PTPRD: variants seen among roughly 807,000 people sequenced by gnomAD.
PTPRD encodes the protein receptor-type tyrosine-protein phosphatase delta.
PTPRD carries 34 observed loss-of-function variants against 214.5 expected under a neutral mutation model. The ratio of observed to expected loss-of-function variants is 0.16; its 90% CI spans 0.12 to 0.21. PTPRD has a LOEUF of 0.21. Ranked by LOEUF, PTPRD falls within the 10% of genes least tolerant of loss-of-function variation. The pLI is 1.00. For missense variants in PTPRD, 2,545 were observed against 2,398.7 expected, an observed-to-expected ratio of 1.06 and a Z score of -1.27; for synonymous variants, 1,128 against 845.7, an observed-to-expected ratio of 1.33 and a Z score of -5.79.
intron 21 of PTPRD, among the ~76,000 whole-genome samples, chr9:8,513,269 G>T (rs933286407): frequency 6.6e-6 from 1 of 151,966 alleles, no homozygotes; most frequent in African/African-American, 2.4e-5. Flanking sequence ...AAAACTCTCT[G>T]ACTGTAAAAC....
chr9:10,282,027 G>C lies in PTPRD; in HGVS notation c.-545+58936C>G, dbSNP rs1165660987. Among the ~76,000 whole-genome samples, 5 of 150,990 alleles carry C rather than the reference G, an allele frequency of 3.3e-5. No individual in the cohort carries two copies. In the East Asian group the frequency reaches 9.6e-4, roughly 29 times the overall value. On this transcript the variant is annotated intron_variant, in intron 3 of 45. Coordinates refer to ENST00000381196, the MANE Select transcript of PTPRD (RefSeq NM_002839.4). ...GGTGCAAAGTAAGCCTTTGATGAAA[G>C]CCTGTAGGAATCAGCTAATTTTCCA...
At chr9:9,187,963 T>C (rs753631503) in intron 9 of PTPRD, among the ~76,000 whole-genome samples, 2 of 151,922 alleles carry the variant, frequency 1.3e-5, no homozygotes, top group Admixed American at 6.6e-5. Flanking sequence ...GAAAAGTACA[T>C]AAATAATGAA....
At chr9:8,606,156 T>C (rs1355052564) in intron 14 of PTPRD, among the ~76,000 whole-genome samples, 1 of 151,886 alleles carries the variant, frequency 6.6e-6, no homozygotes, top group African/African-American at 2.4e-5. Flanking sequence ...AATGTAGTGA[T>C]GAGGAAAGGA....
intron 3 of PTPRD, among the ~76,000 whole-genome samples, chr9:10,286,148 T>A (rs575419718): frequency 6.6e-6 from 1 of 152,210 alleles, no homozygotes; most frequent in African/African-American, 2.4e-5. Context: ...ACTTGTCCTT[T>A]TGTATGCATG....
At chr9:9,882,973 G>A (rs1257340627) in intron 5 of PTPRD, among the ~76,000 whole-genome samples, 5 of 152,078 alleles carry the variant, frequency 3.3e-5, no homozygotes, top group Admixed American at 6.6e-5. Flanking sequence ...CCATGTGATG[G>A]TCTGGCTATC....
At chr9:9,229,565 A>G (rs1020444485) in intron 9 of PTPRD, among the ~76,000 whole-genome samples, 5 of 152,134 alleles carry the variant, frequency 3.3e-5, no homozygotes, top group Admixed American at 6.6e-5. Flanking sequence ...GAGAAAACTT[A>G]TGGCTCCTTT....
chr9:9,742,263 C>G (rs142183389), intron 6 of PTPRD, among the ~76,000 whole-genome samples: 4 of 151,992 alleles, frequency 2.6e-5, no homozygotes, highest in African/African-American at 9.7e-5. Flanking sequence ...AAGGAAGAGA[C>G]GTGCAAGGAA....
At chr9:10,541,893 C>A (rs554280286) in intron 2 of PTPRD, among the ~76,000 whole-genome samples, 1 of 151,904 alleles carries the variant, frequency 6.6e-6, no homozygotes, top group Non-Finnish European at 1.5e-5. Context: ...CAACTTTCAT[C>A]AATTATTTGA....
At chr9:9,778,212 A>T (rs1389070011) in intron 5 of PTPRD, among the ~76,000 whole-genome samples, 1 of 152,346 alleles carries the variant, frequency 6.6e-6, no homozygotes, top group East Asian at 1.9e-4. Context: ...CCTGCACAGC[A>T]TAAGGGAATG....
In PTPRD at chr9:8,770,155, C is replaced by A. The variant is rs535500870; in HGVS notation, c.-103-36209G>T. 2.0e-4 allele frequency among the ~76,000 whole-genome samples: 31 copies of A among 152,156 alleles called. No homozygotes were observed. In the South Asian group the frequency reaches 6.4e-3, roughly 32 times the overall value. The stretch of plus-strand genomic sequence containing the variant: ...AATTAGCCAGGCTTGGTGGTGCACG[C>A]CTGTAATCCCAGCTACTCGGGGGGC... On this transcript the variant is annotated intron_variant, in intron 11 of 45. Coordinates refer to ENST00000381196, the MANE Select transcript of PTPRD (RefSeq NM_002839.4).
chr9:9,477,471 G>A (rs10977813), intron 8 of PTPRD, among the ~76,000 whole-genome samples: 105,268 of 152,004 alleles, frequency 0.69, 36,523 homozygotes, highest in South Asian at 0.73. Context: ...AAGAGGAGGT[G>A]TAGTCACCCC....
At chr9:8,831,923 T>C (rs997600449) in intron 11 of PTPRD, among the ~76,000 whole-genome samples, 1 of 152,112 alleles carries the variant, frequency 6.6e-6, no homozygotes, top group Admixed American at 6.6e-5. Flanking sequence ...TTTTTGACAG[T>C]TGGAAATGGG....
intron 2 of PTPRD, among the ~76,000 whole-genome samples, chr9:10,497,474 T>C (rs1393756124): frequency 6.6e-6 from 1 of 152,026 alleles, no homozygotes; most frequent in Non-Finnish European, 1.5e-5. Context: ...TCTAATTTAA[T>C]GAATGATTGC....
intron 7 of PTPRD, among the ~76,000 whole-genome samples, chr9:9,725,743 G>T (rs747889900): frequency 6.6e-6 from 1 of 152,208 alleles, no homozygotes; most frequent in Admixed American, 6.6e-5. Context: ...AGTTTTCTGT[G>T]GTGACAAATA....
chr9:9,168,816 G>T lies in PTPRD; in HGVS notation c.-143+14488C>A, dbSNP rs932040002. On this transcript the variant is annotated intron_variant, in intron 10 of 45. Coordinates refer to ENST00000381196, the MANE Select transcript of PTPRD (RefSeq NM_002839.4). ...CAGTTTATTTGTTACGGGTACATTT[G>T]AATAAGACCTTAAATCATTTATCTG... is the stretch of plus-strand genomic sequence containing the variant. 2.0e-5 allele frequency among the ~76,000 whole-genome samples: 3 copies of T among 151,998 alleles called. No individual in the cohort carries two copies. In the East Asian group the frequency reaches 5.8e-4, roughly 29 times the overall value.
At chr9:9,598,300 G>A (rs1244955424) in intron 7 of PTPRD, among the ~76,000 whole-genome samples, 1 of 151,968 alleles carries the variant, frequency 6.6e-6, no homozygotes, top group Non-Finnish European at 1.5e-5. Context: ...CTTAACTACT[G>A]TATATGGTAG....
intron 9 of PTPRD, among the ~76,000 whole-genome samples, chr9:9,309,265 C>A (rs186454850): frequency 6.6e-6 from 1 of 151,004 alleles, no homozygotes; most frequent in Admixed American, 6.6e-5. Context: ...TCAAACTCAG[C>A]ACAAATACTC....
chr9:9,329,334 T>G (rs1197951292), intron 9 of PTPRD, among the ~76,000 whole-genome samples: 1 of 152,222 alleles, frequency 6.6e-6, no homozygotes, highest in African/African-American at 2.4e-5. Context: ...ACAGTCTATA[T>G]GACCCCATTT....
At chr9:10,207,404 C>T (rs1457485006) in intron 3 of PTPRD, among the ~76,000 whole-genome samples, 1 of 151,958 alleles carries the variant, frequency 6.6e-6, no homozygotes, top group African/African-American at 2.4e-5. Flanking sequence ...TGTTATTTAT[C>T]AGGTATTAAT....
Sources: gnomAD v4.1 joint callset for allele counts (sites outside exome capture counted in the v4.1 genomes callset) on GRCh38, gnomAD v4.1.1 for gene constraint, MANE v1.5 for transcripts, NCBI Gene and HGNC (gene_info 2026-07-23, HGNC 2026-07-21) for gene names.